Variants in FBXL2 observed in about 807,000 individuals in gnomAD.
FBXL2 encodes F-box/LRR-repeat protein 2.
Under a neutral mutation model 69.2 loss-of-function variants are expected in FBXL2, and 38 were observed. The ratio of observed to expected loss-of-function variants is 0.55; its 90% CI spans 0.42 to 0.72. The LOEUF (loss-of-function observed/expected upper bound fraction) is 0.72, where lower values mean the gene tolerates loss of function less well. Among genes scored for constraint, FBXL2 ranks in the 30% least tolerant of loss-of-function variants. FBXL2 has a pLI of 0.00. For missense variants in FBXL2, 354 were observed against 520.3 expected, an observed-to-expected ratio of 0.68 and a Z score of 3.11; for synonymous variants, 192 against 201.3, an observed-to-expected ratio of 0.95 and a Z score of 0.39.
At chr3:33,395,007 A>G (rs1366830222) in intron 12 of FBXL2, among the ~76,000 whole-genome samples, 1 of 152,172 alleles carries the variant, frequency 6.6e-6, no homozygotes. Flanking sequence ...ATGGGAAAAT[A>G]TCCAATATTT....
intron 2 of FBXL2, among the ~76,000 whole-genome samples, chr3:33,307,726 CGAT>C (rs2036846406): frequency 6.6e-6 from 1 of 151,554 alleles, no homozygotes; most frequent in African/African-American, 2.4e-5. Flanking sequence ...GTAGAGAAAA[CGAT>C]AATGCAAATG....
chr3:33,362,556 T>G (rs2041699158), intron 4 of FBXL2, among the ~76,000 whole-genome samples: 1 of 152,144 alleles, frequency 6.6e-6, no homozygotes, highest in South Asian at 2.1e-4. Flanking sequence ...TACAAGAACT[T>G]TGCCCCAAAA....
chr3:33,412,777 A>G, the FBXL2 span: 2 of 1,614,126 alleles, frequency 1.2e-6, no homozygotes, highest in Non-Finnish European at 1.7e-6. Flanking sequence ...CAAGTTGCTG[A>G]TGCTCTGTGT....
chr3:33,370,489 G>C (rs1256598839), intron 5 of FBXL2, among the ~76,000 whole-genome samples: 1 of 151,802 alleles, frequency 6.6e-6, no homozygotes, highest in African/African-American at 2.4e-5. Flanking sequence ...TTTAAGGATG[G>C]TGCTCCTCTG....
At position 33,371,977 on chromosome 3, in the gene FBXL2, C is replaced by T. The variant is rs551138661; in HGVS notation, c.291-1115C>T. Among the ~76,000 whole-genome samples, 182 of 152,290 alleles carry T rather than the reference C, an allele frequency of 1.2e-3. 1 individual carries two copies. The highest frequency in any genetic ancestry group is 4.1e-3 in the African/African-American group (172 of 41,544). On this transcript the variant is annotated intron_variant, in intron 5 of 14. Transcript: ENST00000484457. ...AGAAATGGGCACTATTCCTTGCCCT[C>T]GGTGAGCTCTGGCTACTGTTTCCTT... is the stretch of plus-strand genomic sequence containing the variant.
intron 1 of FBXL2, among the ~76,000 whole-genome samples, chr3:33,281,571 T>G (rs374994312): frequency 8.5e-5 from 13 of 152,264 alleles, no homozygotes; most frequent in African/African-American, 2.6e-4. Flanking sequence ...GTAATGGAAT[T>G]GCTGGGTCAA....
chr3:33,409,727 A>G, the FBXL2 span: 5 of 1,193,338 alleles, frequency 4.2e-6, no homozygotes, highest in Non-Finnish European at 5.9e-6. Flanking sequence ...CTCATCACAC[A>G]TATTAGCCAA....
Position 33,360,433 on chromosome 3 carries a change from G to A in FBXL2, c.195+1076G>A, listed in dbSNP as rs371839001. On this transcript the variant is annotated intron_variant, in intron 4 of 14. Coordinates refer to ENST00000484457, the MANE Select transcript of FBXL2 (RefSeq NM_012157.5). ...TGGAGCACAATACTTACAGTAAGTG[G>A]GGCAGAGCAGAAGATTTCCCTTTAT... is the stretch of plus-strand genomic sequence containing the variant. 5.3e-4 allele frequency among the ~76,000 whole-genome samples: 81 copies of A among 152,220 alleles called. 1 individual carries two copies. Among genetic ancestry groups the A allele is most frequent in the African/African-American group, 1.8e-3 (76 of 41,550 alleles).
chr3:33,398,481 C>A (rs1006470476), intron 12 of FBXL2: 1 of 152,216 alleles, frequency 6.6e-6, no homozygotes, highest in African/African-American at 2.4e-5. Context: ...TTAACCCATA[C>A]AGAGAACTGG....
At chr3:33,420,029 C>A in the FBXL2 span, among the ~76,000 whole-genome samples, 1 of 152,030 alleles carries the variant, frequency 6.6e-6, no homozygotes, top group African/African-American at 2.4e-5. Context: ...TGATTCATGT[C>A]CCCACCCACC....
chr3:33,383,879 T>C (rs2043223140), intron 13 of FBXL2, 110 bp from the exon 14 acceptor site: 1 of 909,802 alleles, frequency 1.1e-6, no homozygotes, highest in Non-Finnish European at 1.7e-6. Context: ...GCATTCTTGC[T>C]GTGTCATCCC....
At position 33,310,183 on chromosome 3, in the gene FBXL2, G is replaced by A. The variant is rs370571092; in HGVS notation, c.65+12458G>A. On this transcript the variant is annotated intron_variant, in intron 2 of 14. Coordinates refer to ENST00000484457, the MANE Select transcript of FBXL2 (RefSeq NM_012157.5). ...TTTATTTTTTTGGAGATGGAGTCTC[G>A]CTCTGTTGCCTAGGCTGGAGTGCAG... Among the ~76,000 whole-genome samples the A allele has an allele frequency of 5.7e-4, 87 of 151,802 alleles. 3 individuals carry two copies. The South Asian group carries it at 0.017, about 30-fold the overall frequency.
chr3:33,303,468 T>C (rs2036460111), intron 2 of FBXL2, among the ~76,000 whole-genome samples: 2 of 152,178 alleles, frequency 1.3e-5, no homozygotes, highest in Non-Finnish European at 2.9e-5. Context: ...ATGAAAACTC[T>C]GAGGATGACT....
At chr3:33,404,963 G>A (rs2044378075), downstream of FBXL2, among the ~76,000 whole-genome samples, 1 of 152,074 alleles carries the variant, frequency 6.6e-6, no homozygotes, top group Non-Finnish European at 1.5e-5. Flanking sequence ...ATTTTTACAT[G>A]TAATAAATAT....
chr3:33,307,098 T>C (rs1247704384), intron 2 of FBXL2, among the ~76,000 whole-genome samples: 8 of 152,132 alleles, frequency 5.3e-5, no homozygotes, highest in Non-Finnish European at 2.9e-5. Context: ...TTCCACTAGA[T>C]AAATGTTAAT....
intron 2 of FBXL2, among the ~76,000 whole-genome samples, chr3:33,307,650 A>G (rs1490401693): frequency 6.6e-6 from 1 of 152,078 alleles, no homozygotes; most frequent in Non-Finnish European, 1.5e-5. Context: ...AACGGGCATC[A>G]TGTCTACAAC....
intron 12 of FBXL2, among the ~76,000 whole-genome samples, chr3:33,394,424 T>TC (rs1017517480): frequency 3.9e-4 from 59 of 151,928 alleles, no homozygotes; most frequent in African/African-American, 1.4e-3. Flanking sequence ...TATATGCCCC[T>TC]CCCCCACAAA....
intron 9 of FBXL2, among the ~76,000 whole-genome samples, chr3:33,374,213 G>A (rs1212723220): frequency 6.6e-6 from 1 of 152,186 alleles, no homozygotes; most frequent in Non-Finnish European, 1.5e-5. Context: ...GGAATGCAGT[G>A]AATTGGTCAC....
At chr3:33,412,989 T>C in the FBXL2 span, among the ~76,000 whole-genome samples, 1 of 152,224 alleles carries the variant, frequency 6.6e-6, no homozygotes, top group Admixed American at 6.5e-5. Context: ...GATACCTGGA[T>C]TACGGTACAA....
Sources: allele counts gnomAD v4.1 joint callset (sites outside exome capture counted in the v4.1 genomes callset), GRCh38; gene constraint gnomAD v4.1.1; transcripts MANE v1.5; gene names NCBI Gene and HGNC (gene_info 2026-07-23, HGNC 2026-07-21).